MAP3K20: variants seen among roughly 807,000 people sequenced by gnomAD.
The protein encoded by MAP3K20 is HCCS-4.
MAP3K20 carries 40 observed loss-of-function variants against 85.7 expected under a neutral mutation model. That is an observed-to-expected ratio of 0.47 (90% CI 0.36 to 0.61). The LOEUF (loss-of-function observed/expected upper bound fraction) is 0.61. Among genes scored for constraint, MAP3K20 ranks in the 20% least tolerant of loss-of-function variants. MAP3K20 has a pLI of 0.00. For synonymous variants in MAP3K20, 325 were observed against 327.7 expected (o/e 0.99, Z 0.09); for missense variants, 817 against 961.7 (o/e 0.85, Z 1.99).
intron 11 of MAP3K20, chr2:173,224,777 G>T: frequency 3.0e-6 from 3 of 985,292 alleles, no homozygotes; most frequent in Non-Finnish European, 3.6e-6. Flanking sequence ...GAATTCTATA[G>T]TGTCCCACTC....
chr2:173,226,263 G>A (rs1210162383), intron 11 of MAP3K20: 1 of 985,164 alleles, frequency 1.0e-6, no homozygotes, highest in East Asian at 1.1e-4. Flanking sequence ...ATTTTTCAGA[G>A]TTTTCATTGG....
intron 2 of MAP3K20, among the ~76,000 whole-genome samples, chr2:173,129,582 T>C (rs1688548831): frequency 1.3e-5 from 2 of 152,192 alleles, no homozygotes; most frequent in Admixed American, 1.3e-4. Context: ...AATTCAATAA[T>C]TGCCAGAGAT....
At chr2:173,212,797 C>CAAAAAAAAAA (rs61126157) in intron 10 of MAP3K20, 15 of 100,962 alleles carry the variant, frequency 1.5e-4, no homozygotes, top group East Asian at 2.7e-4. Flanking sequence ...AGATCCTATT[C>CAAAAAAAAAA]AAAAAAAAAA....
chr2:173,092,154 G>A (rs1202156538), intron 2 of MAP3K20, among the ~76,000 whole-genome samples: 1 of 152,190 alleles, frequency 6.6e-6, no homozygotes, highest in Non-Finnish European at 1.5e-5. Context: ...TCCCAGCGGT[G>A]CTGTGTAATT....
rs1191518451 is a variant in MAP3K20 at position 173,227,608 on chromosome 2, CAG to C, written c.988-2080_988-2079del. ...AGGCATCGTATTGGAGAACCATCCT[CAG>C]TGTGCAACCAACCCCCTCTCCTTTC... On this transcript the variant is annotated intron_variant, in intron 11 of 19. Coordinates refer to ENST00000375213, the MANE Select transcript of MAP3K20 (RefSeq NM_016653.3). Among the ~76,000 whole-genome samples, 3 of 152,200 alleles carry C rather than the reference CAG, an allele frequency of 2.0e-5. No individual in the cohort carries two copies. In the East Asian group the frequency reaches 5.8e-4, roughly 29 times the overall value.
At chr2:173,075,746 A>AGCGCCTTCCCCACGCCCCGC, upstream of MAP3K20, 1 of 985,068 alleles carries the variant, frequency 1.0e-6, no homozygotes, top group East Asian at 1.1e-4. Flanking sequence ...GGGAGGCCCG[A>AGCGCCTTCCCCACGCCCCGC]GCGCCTTCCC....
At chr2:173,244,747 T>C (rs1316201984) in intron 16 of MAP3K20, among the ~76,000 whole-genome samples, 1 of 152,188 alleles carries the variant, frequency 6.6e-6, no homozygotes, top group Admixed American at 6.5e-5. Flanking sequence ...CTGATTAATG[T>C]GCTTTGAATT....
At chr2:173,197,744 G>C (rs1298569873) in intron 7 of MAP3K20, 1 of 168,142 alleles carries the variant, frequency 5.9e-6, no homozygotes, top group South Asian at 1.9e-4. Context: ...GATAATTTAT[G>C]AGATGACATT....
intron 4 of MAP3K20, among the ~76,000 whole-genome samples, chr2:173,185,885 C>T (rs1690470665): frequency 6.6e-6 from 1 of 152,188 alleles, no homozygotes. Flanking sequence ...CCAAAAGTCT[C>T]CTCAGTTACA....
chr2:173,175,063 G>A (rs374725265), intron 3 of MAP3K20, among the ~76,000 whole-genome samples: 1 of 152,130 alleles, frequency 6.6e-6, no homozygotes, highest in Non-Finnish European at 1.5e-5. Flanking sequence ...TAATTGCTCT[G>A]TGTTAAATTT....
chr2:173,117,329 A>T (rs543780940), intron 2 of MAP3K20, among the ~76,000 whole-genome samples: 1 of 152,014 alleles, frequency 6.6e-6, no homozygotes, highest in African/African-American at 2.4e-5. Flanking sequence ...CCCAGGCTGG[A>T]GTGCAGTGGC....
At chr2:173,164,225 T>C (rs1207374346) in intron 2 of MAP3K20, among the ~76,000 whole-genome samples, 2 of 152,168 alleles carry the variant, frequency 1.3e-5, no homozygotes, top group African/African-American at 4.8e-5. Flanking sequence ...CCCAAAGTGC[T>C]GGGATTTTTT....
chr2:173,228,596 G>A (rs962256003), intron 11 of MAP3K20, among the ~76,000 whole-genome samples: 1 of 152,040 alleles, frequency 6.6e-6, no homozygotes, highest in African/African-American at 2.4e-5. Flanking sequence ...CAGGCACTAT[G>A]TTAGGCATTA....
intron 2 of MAP3K20, among the ~76,000 whole-genome samples, chr2:173,135,354 A>G (rs1254973727): frequency 6.6e-6 from 1 of 152,190 alleles, no homozygotes; most frequent in East Asian, 1.9e-4. Context: ...AAAAGGTGCA[A>G]TAAGAATAAG....
At chr2:173,225,671 C>A in intron 11 of MAP3K20, 1 of 984,578 alleles carries the variant, frequency 1.0e-6, no homozygotes, top group Non-Finnish European at 1.2e-6. Flanking sequence ...AATCCAGAAG[C>A]TTTAGAGTTT....
intron 2 of MAP3K20, among the ~76,000 whole-genome samples, chr2:173,115,834 C>T (rs529382111): frequency 6.6e-6 from 1 of 152,118 alleles, no homozygotes; most frequent in East Asian, 1.9e-4. Context: ...ATGCAGTGGA[C>T]TCTGTGAGGG....
At chr2:173,177,209 G>T (rs893751605) in intron 3 of MAP3K20, among the ~76,000 whole-genome samples, 1 of 152,112 alleles carries the variant, frequency 6.6e-6, no homozygotes, top group African/African-American at 2.4e-5. Flanking sequence ...CACATGTAAA[G>T]AATACATATT....
At chr2:173,194,829 T>C (rs964939030) in intron 7 of MAP3K20, among the ~76,000 whole-genome samples, 3 of 152,108 alleles carry the variant, frequency 2.0e-5, no homozygotes, top group Non-Finnish European at 1.5e-5. Context: ...TTCTAATTTT[T>C]TAGACTGCTG....
At chr2:173,150,366 G>T (rs1236424379) in intron 2 of MAP3K20, among the ~76,000 whole-genome samples, 1 of 152,192 alleles carries the variant, frequency 6.6e-6, no homozygotes, top group African/African-American at 2.4e-5. Flanking sequence ...TATGCAGGAT[G>T]ACATGTGTTC....
Sources: gnomAD v4.1 joint callset for allele counts (sites outside exome capture counted in the v4.1 genomes callset) on GRCh38, gnomAD v4.1.1 for gene constraint, MANE v1.5 for transcripts, NCBI Gene and HGNC (gene_info 2026-07-23, HGNC 2026-07-21) for gene names.